The following LRRC4C variants were observed in gnomAD, a reference collection of about 807,000 sequenced individuals.
LRRC4C encodes the protein leucine rich repeat containing 4C.
LRRC4C carries 5 observed loss-of-function variants against 33.6 expected under a neutral mutation model. The observed-to-expected ratio is 0.15, with a 90% confidence interval of 0.08 to 0.31. LRRC4C has a LOEUF of 0.31. Ranked by LOEUF, LRRC4C falls within the 10% of genes least tolerant of loss-of-function variation. The probability of loss-of-function intolerance (pLI) is 1.00; values close to 1 mark genes in which losing one functional copy is unlikely to be tolerated. For missense variants in LRRC4C, 560 were observed against 796.7 expected (o/e 0.70, Z 3.58); for synonymous variants, 329 against 302.0 (o/e 1.09, Z -0.93).
chr11:40,707,610 G>A (rs1235431747), intron 2 of LRRC4C, among the ~76,000 whole-genome samples: 1 of 152,142 alleles, frequency 6.6e-6, no homozygotes, highest in African/African-American at 2.4e-5. Context: ...GATTTGGTTT[G>A]CCAGTATTTT....
intron 2 of LRRC4C, among the ~76,000 whole-genome samples, chr11:40,817,842 C>A (rs1277869231): frequency 1.3e-5 from 2 of 152,112 alleles, no homozygotes; most frequent in Non-Finnish European, 2.9e-5. Context: ...TTTATCATAA[C>A]AATACTTATA....
intron 3 of LRRC4C, among the ~76,000 whole-genome samples, chr11:40,341,689 A>C (rs1946874941): frequency 6.6e-6 from 1 of 152,204 alleles, no homozygotes; most frequent in Admixed American, 6.5e-5. Flanking sequence ...AAGTATAATA[A>C]AAAAACTTTC....
intron 3 of LRRC4C, among the ~76,000 whole-genome samples, chr11:40,609,263 G>C (rs987081529): frequency 6.6e-6 from 1 of 151,694 alleles, no homozygotes; most frequent in Non-Finnish European, 1.5e-5. Flanking sequence ...AACAACAGAA[G>C]GAAAATGGGA....
At chr11:40,803,519 T>C (rs1951122080) in intron 2 of LRRC4C, among the ~76,000 whole-genome samples, 1 of 152,192 alleles carries the variant, frequency 6.6e-6, no homozygotes, top group South Asian at 2.1e-4. Context: ...CCATTGAGAA[T>C]AAGGAAAAGT....
chr11:40,615,732 C>A (rs546803303), intron 3 of LRRC4C, among the ~76,000 whole-genome samples: 4 of 151,594 alleles, frequency 2.6e-5, no homozygotes, highest in African/African-American at 9.7e-5. Flanking sequence ...AAGTAAACAC[C>A]GGCTATGCAG....
At chr11:41,355,419 CA>C (rs1193526061) in intron 1 of LRRC4C, among the ~76,000 whole-genome samples, 1 of 151,980 alleles carries the variant, frequency 6.6e-6, no homozygotes, top group Non-Finnish European at 1.5e-5. Flanking sequence ...ATGCAAAATG[CA>C]AAGGTAGTAG....
chr11:40,566,804 C>A (rs2135540816), intron 3 of LRRC4C, among the ~76,000 whole-genome samples: 1 of 152,160 alleles, frequency 6.6e-6, no homozygotes, highest in African/African-American at 2.4e-5. Context: ...GCCTCAGATG[C>A]ATGGGATACC....
intron 3 of LRRC4C, among the ~76,000 whole-genome samples, chr11:40,449,185 C>T (rs540825051): frequency 6.6e-6 from 1 of 151,972 alleles, no homozygotes; most frequent in African/African-American, 2.4e-5. Context: ...GTCTTCAATT[C>T]TGTAGGTTGT....
At chr11:40,552,824 C>T (rs1172848261) in intron 3 of LRRC4C, among the ~76,000 whole-genome samples, 1 of 152,016 alleles carries the variant, frequency 6.6e-6, no homozygotes, top group Admixed American at 6.6e-5. Context: ...CTATAACACC[C>T]ACAATTAAAG....
chr11:41,053,813 A>C (rs914656015), intron 1 of LRRC4C, among the ~76,000 whole-genome samples: 1 of 152,204 alleles, frequency 6.6e-6, no homozygotes, highest in African/African-American at 2.4e-5. Context: ...TTCCATTTAA[A>C]ATGTTAAACT....
At chr11:41,146,755 G>A (rs1590748293) in intron 1 of LRRC4C, among the ~76,000 whole-genome samples, 1 of 152,076 alleles carries the variant, frequency 6.6e-6, no homozygotes, top group East Asian at 1.9e-4. Flanking sequence ...TCTCTTCAGG[G>A]GGAAATAAAA....
At chr11:41,388,330 G>T (rs12797115) in intron 1 of LRRC4C, among the ~76,000 whole-genome samples, 1 of 151,650 alleles carries the variant, frequency 6.6e-6, no homozygotes, top group East Asian at 2.0e-4. Context: ...CTTACACATA[G>T]GGCAATATAT....
chr11:40,991,166 T>C (rs1853527268), intron 1 of LRRC4C, among the ~76,000 whole-genome samples: 1 of 147,138 alleles, frequency 6.8e-6, no homozygotes, highest in African/African-American at 2.5e-5. Flanking sequence ...GTGGAAGACT[T>C]GTATCCACCA....
At chr11:41,405,332 A>T (rs1954190092) in intron 1 of LRRC4C, among the ~76,000 whole-genome samples, 2 of 152,114 alleles carry the variant, frequency 1.3e-5, no homozygotes, top group South Asian at 4.1e-4. Context: ...TTCCCATCCA[A>T]TTTTCTTGCT....
At position 40,374,920 on chromosome 11, in the gene LRRC4C, G is replaced by A. The variant is rs538457237; in HGVS notation, c.-269-55199C>T. On this transcript the variant is annotated intron_variant, in intron 3 of 6. Coordinates refer to ENST00000528697, the MANE Select transcript of LRRC4C (RefSeq NM_001258419.2). ...AGTGAGAAAACCTGAAGTACAAGGA[G>A]GTAGTGTGAAAGGTCCAAAGTCACA... Among the ~76,000 whole-genome samples, 15 of 152,242 alleles carry A rather than the reference G, an allele frequency of 9.9e-5. No homozygotes were observed. The South Asian group carries it at 3.1e-3, about 32-fold the overall frequency.
At chr11:41,074,116 A>C (rs1938926720) in intron 1 of LRRC4C, among the ~76,000 whole-genome samples, 2 of 152,206 alleles carry the variant, frequency 1.3e-5, no homozygotes, top group Admixed American at 1.3e-4. Flanking sequence ...ACAAATAGTC[A>C]AGATTTTTTT....
intron 3 of LRRC4C, among the ~76,000 whole-genome samples, chr11:40,592,093 C>T (rs933769712): frequency 6.6e-6 from 1 of 152,212 alleles, no homozygotes; most frequent in Non-Finnish European, 1.5e-5. Flanking sequence ...TATGCAGCAA[C>T]AGCTTTGCTG....
intron 3 of LRRC4C, among the ~76,000 whole-genome samples, chr11:40,386,254 C>G (rs1949106491): frequency 6.6e-6 from 1 of 152,102 alleles, no homozygotes. Flanking sequence ...GCATGTAGAT[C>G]TCACATTTGA....
intron 4 of LRRC4C, among the ~76,000 whole-genome samples, chr11:40,247,709 A>C (rs1866464014): frequency 6.6e-6 from 1 of 151,964 alleles, no homozygotes; most frequent in Non-Finnish European, 1.5e-5. Flanking sequence ...GAGGTCTTTG[A>C]AGGTCTTGAT....
Sources: gnomAD v4.1 joint callset for allele counts (sites outside exome capture counted in the v4.1 genomes callset) on GRCh38, gnomAD v4.1.1 for gene constraint, MANE v1.5 for transcripts, NCBI Gene and HGNC (gene_info 2026-07-23, HGNC 2026-07-21) for gene names.